TLK1: variants seen among roughly 807,000 people sequenced by gnomAD.
TLK1 encodes the protein serine/threonine-protein kinase tousled-like 1.
In TLK1, 24 loss-of-function variants were observed where a neutral mutation model predicts 105.3. That is an observed-to-expected ratio of 0.23 (90% CI 0.17 to 0.32). The LOEUF (loss-of-function observed/expected upper bound fraction) is 0.32, where lower values mean the gene tolerates loss of function less well. Ranked by LOEUF, TLK1 falls within the 10% of genes least tolerant of loss-of-function variation. The probability of loss-of-function intolerance (pLI) is 1.00; values close to 1 mark genes in which losing one functional copy is unlikely to be tolerated. For synonymous variants in TLK1, 321 were observed against 310.4 expected, an observed-to-expected ratio of 1.03 and a Z score of -0.36; for missense variants, 558 against 910.5, an observed-to-expected ratio of 0.61 and a Z score of 4.98.
chr2:171,039,308 C>A (rs1045254504), intron 11 of TLK1, among the ~76,000 whole-genome samples: 2 of 152,172 alleles, frequency 1.3e-5, no homozygotes, highest in Non-Finnish European at 2.9e-5. Flanking sequence ...CTCTGTCACC[C>A]AGGCTGGAGT....
intron 1 of TLK1, among the ~76,000 whole-genome samples, chr2:171,132,813 T>C (rs1691156603): frequency 6.6e-6 from 1 of 152,170 alleles, no homozygotes; most frequent in African/African-American, 2.4e-5. Context: ...TGCAGTGAGC[T>C]ATGAACACGC....
chr2:171,173,207 T>G (rs1692760652), intron 1 of TLK1, among the ~76,000 whole-genome samples: 1 of 152,224 alleles, frequency 6.6e-6, no homozygotes, highest in African/African-American at 2.4e-5. Flanking sequence ...GAAACTTGTA[T>G]GCTCACTATT....
intron 8 of TLK1, among the ~76,000 whole-genome samples, chr2:171,053,555 G>A (rs1462725021): frequency 2.0e-5 from 3 of 152,044 alleles, no homozygotes; most frequent in Non-Finnish European, 4.4e-5. Context: ...TAGAAACGGG[G>A]TTTCACCATG....
intron 17 of TLK1, 86 bp downstream of exon 17, chr2:171,006,388 A>G (rs1225866222): frequency 6.7e-7 from 1 of 1,484,992 alleles, no homozygotes; most frequent in Non-Finnish European, 9.0e-7. Context: ...AAGAGAAACC[A>G]AAAAACATGT....
intron 1 of TLK1, among the ~76,000 whole-genome samples, chr2:171,141,670 T>G (rs1253945741): frequency 2.0e-5 from 3 of 151,982 alleles, no homozygotes; most frequent in Non-Finnish European, 1.5e-5. Flanking sequence ...TGTGCATAGC[T>G]GCAACATGAC....
At chr2:171,101,771 C>A (rs1689703960) in intron 2 of TLK1, among the ~76,000 whole-genome samples, 2 of 152,126 alleles carry the variant, frequency 1.3e-5, no homozygotes, top group African/African-American at 2.4e-5. Context: ...CACACATACA[C>A]AGACTTGAGG....
At chr2:171,003,725 G>C (rs1684507939) in intron 18 of TLK1, among the ~76,000 whole-genome samples, 1 of 152,190 alleles carries the variant, frequency 6.6e-6, no homozygotes, top group Admixed American at 6.5e-5. Context: ...ACAGTACACA[G>C]TATGTGGTAC....
intron 14 of TLK1, among the ~76,000 whole-genome samples, chr2:171,007,969 TAAAG>T (rs1164521580): frequency 6.6e-6 from 1 of 152,136 alleles, no homozygotes; most frequent in Non-Finnish European, 1.5e-5. Context: ...TGAATACCAT[TAAAG>T]AGACATTTAA....
chr2:171,089,814 C>T (rs748238430), intron 2 of TLK1, among the ~76,000 whole-genome samples: 18 of 152,146 alleles, frequency 1.2e-4, no homozygotes, highest in Non-Finnish European at 2.2e-4. Context: ...GCTGGGATTA[C>T]GGGCACAAGC....
intron 1 of TLK1, 109 bp from the exon 2 acceptor site, chr2:171,117,966 T>G: frequency 1.4e-6 from 1 of 692,696 alleles, no homozygotes; most frequent in Non-Finnish European, 2.2e-6. Context: ...AATTTAGGAA[T>G]GAATGCTACA....
chr2:171,168,499 T>G (rs1420604942), intron 1 of TLK1, among the ~76,000 whole-genome samples: 1 of 152,212 alleles, frequency 6.6e-6, no homozygotes, highest in Non-Finnish European at 1.5e-5. Context: ...TTCAGGGCGC[T>G]GTGGCTCATG....
chr2:171,170,255 AG>A (rs1692701532), intron 1 of TLK1, among the ~76,000 whole-genome samples: 1 of 152,274 alleles, frequency 6.6e-6, no homozygotes, highest in Non-Finnish European at 1.5e-5. Context: ...GTAATAAATT[AG>A]AAAAAGCATT....
intron 1 of TLK1, among the ~76,000 whole-genome samples, chr2:171,129,110 A>C (rs1690990907): frequency 6.6e-6 from 1 of 152,196 alleles, no homozygotes; most frequent in South Asian, 2.1e-4. Context: ...TTGAGCTGGT[A>C]ATTACCCTCT....
intron 1 of TLK1, among the ~76,000 whole-genome samples, chr2:171,147,024 T>C (rs1036327468): frequency 3.9e-5 from 6 of 152,218 alleles, no homozygotes; most frequent in African/African-American, 7.2e-5. Context: ...ATATAACACC[T>C]TGATATAGCT....
intron 3 of TLK1, among the ~76,000 whole-genome samples, chr2:171,073,037 A>G (rs1688333263): frequency 6.6e-6 from 1 of 151,948 alleles, no homozygotes; most frequent in Non-Finnish European, 1.5e-5. Flanking sequence ...CTGTTAGCAT[A>G]TAGAAATGCT....
At chr2:171,016,590 T>C (rs1299798526) in intron 12 of TLK1, among the ~76,000 whole-genome samples, 1 of 152,198 alleles carries the variant, frequency 6.6e-6, no homozygotes, top group Non-Finnish European at 1.5e-5. Flanking sequence ...TTCTTTTTAG[T>C]AATTTATCTT....
chr2:171,181,815 G>C (rs1692933054), intron 1 of TLK1, among the ~76,000 whole-genome samples: 1 of 152,144 alleles, frequency 6.6e-6, no homozygotes, highest in Non-Finnish European at 1.5e-5. Flanking sequence ...ATTTCAATGT[G>C]AGATTCGAAG....
chr2:171,000,252 C>T (rs888445441), intron 18 of TLK1, among the ~76,000 whole-genome samples: 1 of 151,706 alleles, frequency 6.6e-6, no homozygotes, highest in South Asian at 2.1e-4. Flanking sequence ...GTGGCGGGCA[C>T]CTGTAATCCC....
chr2:171,160,248 G>A lies in TLK1; in HGVS notation c.139+42C>T. ...GGGGGCGCGGGGGTCCGCGGCGCGG[G>A]AGAGGAGGCCCGCGAGCGGGCGCGG... On this transcript the variant is annotated intron_variant, in intron 1 of 20. Coordinates refer to ENST00000431350, the MANE Select transcript of TLK1 (RefSeq NM_012290.5). The surrounding 1 kb of genome is among the most constrained non-coding windows in gnomAD (Gnocchi z 4.4). 7.0e-7 allele frequency: 1 copy of A among 1,430,324 alleles called. No homozygotes were observed. Among genetic ancestry groups the A allele is most frequent in the Non-Finnish European group, 9.1e-7 (1 of 1,095,230 alleles). The allele number at this position is 1,430,324 out of a possible 1,614,324, so 88.6% of individuals were successfully genotyped here.
Sources: gnomAD v4.1 joint callset for allele counts (sites outside exome capture counted in the v4.1 genomes callset) on GRCh38, gnomAD v4.1.1 for gene constraint, Gnocchi (gnomAD v3.1) non-coding constraint, MANE v1.5 for transcripts, NCBI Gene and HGNC (gene_info 2026-07-23, HGNC 2026-07-21) for gene names.